The following PACRG variants were observed in gnomAD, a reference collection of about 807,000 sequenced individuals.
PACRG encodes the protein parkin coregulated gene protein.
PACRG carries 29 observed loss-of-function variants against 29.7 expected under a neutral mutation model. The observed-to-expected ratio is 0.98, with a 90% CI of 0.73 to 1.33. The LOEUF (loss-of-function observed/expected upper bound fraction) is 1.33, where lower values mean the gene tolerates loss of function less well. Ranked by LOEUF, PACRG falls within the 40% of genes most tolerant of loss-of-function variation. PACRG has a pLI of 0.00. For synonymous variants in PACRG, 116 were observed against 118.7 expected (o/e 0.98, Z 0.15); for missense variants, 279 against 316.2 (o/e 0.88, Z 0.89).
At chr6:162,856,517 T>C (rs1452380761) in intron 2 of PACRG, among the ~76,000 whole-genome samples, 2 of 152,150 alleles carry the variant, frequency 1.3e-5, no homozygotes, top group Non-Finnish European at 2.9e-5. Flanking sequence ...ATCCCGAGTC[T>C]CCTGCAGCCC....
At chr6:163,046,143 T>G (rs1359772570) in intron 2 of PACRG, among the ~76,000 whole-genome samples, 1 of 151,516 alleles carries the variant, frequency 6.6e-6, no homozygotes, top group Admixed American at 6.6e-5. Context: ...AACGAGCCAC[T>G]GTATCTTGAC....
intron 2 of PACRG, among the ~76,000 whole-genome samples, chr6:162,872,588 A>G (rs1051963088): frequency 1.8e-4 from 28 of 152,372 alleles, no homozygotes; most frequent in Non-Finnish European, 5.9e-5. Context: ...ATTAGAAATT[A>G]GAAACTTCCC....
chr6:163,160,155 C>G (rs1348894491), intron 4 of PACRG, among the ~76,000 whole-genome samples: 2 of 152,222 alleles, frequency 1.3e-5, no homozygotes, highest in East Asian at 3.8e-4. Flanking sequence ...TCATTGTCAT[C>G]TCTTATATTT....
At chr6:162,954,439 CTT>C (rs1324200239) in intron 2 of PACRG, among the ~76,000 whole-genome samples, 8 of 133,944 alleles carry the variant, frequency 6.0e-5, no homozygotes, top group African/African-American at 1.1e-4. Context: ...TCCTGAGTTG[CTT>C]TTTTTTTTTT....
chr6:163,056,157 T>C (rs1360650382), intron 2 of PACRG, among the ~76,000 whole-genome samples: 1 of 152,160 alleles, frequency 6.6e-6, no homozygotes, highest in Non-Finnish European at 1.5e-5. Flanking sequence ...CATACATGGC[T>C]GGTGGGAATA....
At chr6:162,824,076 A>G (rs1788073698) in intron 2 of PACRG, among the ~76,000 whole-genome samples, 1 of 152,112 alleles carries the variant, frequency 6.6e-6, no homozygotes, top group Non-Finnish European at 1.5e-5. Flanking sequence ...CTTTACCTAT[A>G]GCATTTTGCT....
At chr6:163,109,263 A>G (rs532091554) in intron 4 of PACRG, among the ~76,000 whole-genome samples, 2 of 152,176 alleles carry the variant, frequency 1.3e-5, no homozygotes, top group Non-Finnish European at 2.9e-5. Flanking sequence ...TCATTTACCA[A>G]TCTTATTACT....
chr6:163,313,371 T>A (rs1009000918), intron 4 of PACRG, among the ~76,000 whole-genome samples: 1 of 151,904 alleles, frequency 6.6e-6, no homozygotes, highest in African/African-American at 2.4e-5. Flanking sequence ...AAGAAAAGAA[T>A]AAGGATAGAA....
intron 2 of PACRG, among the ~76,000 whole-genome samples, chr6:163,002,849 G>T (rs568942362): frequency 6.6e-6 from 1 of 152,306 alleles, no homozygotes; most frequent in Non-Finnish European, 1.5e-5. Context: ...TGACTCCTCT[G>T]CAGCAGGACC....
intron 4 of PACRG, among the ~76,000 whole-genome samples, chr6:163,235,530 C>T (rs768112482): frequency 6.6e-5 from 10 of 152,176 alleles, no homozygotes; most frequent in Non-Finnish European, 1.5e-4. Flanking sequence ...CAAGGTCCTT[C>T]TCCTTGGAGA....
At chr6:162,995,370 C>G (rs1803905287) in intron 2 of PACRG, among the ~76,000 whole-genome samples, 1 of 151,872 alleles carries the variant, frequency 6.6e-6, no homozygotes, top group South Asian at 2.1e-4. Flanking sequence ...TGATCTCAGA[C>G]TGCTGTGCTA....
In PACRG at chr6:162,778,022, TCA is replaced by T. The variant is rs371311720; in HGVS notation, c.157-36122_157-36121del. 1.4e-4 allele frequency among the ~76,000 whole-genome samples: 21 copies of T among 152,274 alleles called. 1 individual carries two copies. The highest frequency in any genetic ancestry group is 4.8e-4 in the African/African-American group (20 of 41,540). ...TGAGCTAACCGACACTATTCAGGCC[TCA>T]CAGAGCACACAGTCTGAATGTGTAA... On this transcript the variant is annotated intron_variant, in intron 1 of 4. Transcript: ENST00000366888.
At chr6:162,770,978 T>C (rs1380245231) in intron 1 of PACRG, among the ~76,000 whole-genome samples, 1 of 152,140 alleles carries the variant, frequency 6.6e-6, no homozygotes, top group Admixed American at 6.5e-5. Context: ...TAGGGGACAA[T>C]CCCTACCATA....
intron 2 of PACRG, among the ~76,000 whole-genome samples, chr6:162,883,829 T>G (rs929756977): frequency 6.6e-6 from 1 of 152,004 alleles, no homozygotes; most frequent in Non-Finnish European, 1.5e-5. Flanking sequence ...CCCCCAAAAT[T>G]TAACTACTAA....
intron 4 of PACRG, among the ~76,000 whole-genome samples, chr6:163,127,314 T>C (rs771764091): frequency 6.6e-6 from 1 of 152,244 alleles, no homozygotes. Flanking sequence ...AAAGGACAAA[T>C]TGCCTCGGCC....
At chr6:162,972,553 A>G (rs546592116) in intron 2 of PACRG, among the ~76,000 whole-genome samples, 2 of 152,242 alleles carry the variant, frequency 1.3e-5, no homozygotes, top group East Asian at 3.9e-4. Context: ...ATAAATCATA[A>G]CCTGAACAGA....
intron 2 of PACRG, among the ~76,000 whole-genome samples, chr6:162,966,605 C>G (rs986948193): frequency 1.3e-5 from 2 of 151,562 alleles, no homozygotes; most frequent in African/African-American, 2.4e-5. Flanking sequence ...GTCTCATGAG[C>G]AGCTGGGACT....
rs932997934 is a variant in PACRG at position 162,967,514 on chromosome 6, T to C, written c.292-94636T>C. Among the ~76,000 whole-genome samples, 7 of 152,112 alleles carry C rather than the reference T, an allele frequency of 4.6e-5. No homozygotes were observed. The South Asian group carries it at 1.5e-3, about 32-fold the overall frequency. On this transcript the variant is annotated intron_variant, in intron 2 of 4. Coordinates refer to ENST00000366888, the MANE Select transcript of PACRG (RefSeq NM_001080379.2). ...AGAACATTATTGAACTTTCTCTTTT[T>C]TTTTTTTTTGAAGATGGAGTCTCAC...
chr6:163,187,680 G>A lies in PACRG; in HGVS notation c.613+98272G>A, dbSNP rs1310886891. ...CCCAAAGTGGATTCTCACCTCCATG[G>A]TGTATCAAAGTCCTACTCCTTCTCC... On this transcript the variant is annotated intron_variant, in intron 4 of 4. Coordinates refer to ENST00000366888, the MANE Select transcript of PACRG (RefSeq NM_001080379.2). 2 of 152,226 alleles carry A rather than the reference G, an allele frequency of 1.3e-5. 1 individual carries two copies. The highest frequency in any genetic ancestry group is 1.3e-4 in the Admixed American group (2 of 15,284). 9.4% of individuals were successfully genotyped at this position (152,226 alleles called of 1,614,324 possible). A position where few individuals can be genotyped will look rare whatever the true frequency, so the allele number is the denominator to read the frequency against.
Sources: allele counts gnomAD v4.1 joint callset (sites outside exome capture counted in the v4.1 genomes callset), GRCh38; gene constraint gnomAD v4.1.1; transcripts MANE v1.5; gene names NCBI Gene and HGNC (gene_info 2026-07-23, HGNC 2026-07-21).